HSPG2: variants seen among roughly 807,000 people sequenced by gnomAD.
The protein encoded by HSPG2 is heparan sulfate proteoglycan 2, also known as basement membrane-specific heparan sulfate proteoglycan core protein.
In HSPG2, 278 loss-of-function variants were observed where a neutral mutation model predicts 526.6. That is an observed-to-expected ratio of 0.53 (90% confidence interval 0.48 to 0.58). HSPG2 has a LOEUF of 0.58. HSPG2 is among the 20% of genes least tolerant of loss of function. The pLI is 0.00. For synonymous variants in HSPG2, 2,465 were observed against 2,555.4 expected (o/e 0.96, Z 1.07); for missense variants, 5,354 against 6,099.5 (o/e 0.88, Z 4.07).
intron 1 of HSPG2, among the ~76,000 whole-genome samples, chr1:21,926,613 C>T (rs1294041975): frequency 6.6e-6 from 1 of 151,680 alleles, no homozygotes; most frequent in Non-Finnish European, 1.5e-5. Flanking sequence ...ATTAGCCAGG[C>T]GTGGTAGTGC....
intron 1 of HSPG2, among the ~76,000 whole-genome samples, chr1:21,914,532 T>C (rs1314796861): frequency 6.6e-6 from 1 of 152,116 alleles, no homozygotes; most frequent in Non-Finnish European, 1.5e-5. Context: ...CATAGCCAGG[T>C]GTCCAGGGAC....
At position 21,879,021 on chromosome 1, in the gene HSPG2, G is replaced by C. The variant is rs539278352; in HGVS notation, c.2444C>G (p.Pro815Arg). The C allele has an allele frequency of 6.2e-6, 10 of 1,614,188 alleles. No homozygotes were observed. Among genetic ancestry groups the C allele is most frequent in the Non-Finnish European group, 8.5e-6 (10 of 1,180,052 alleles). Residue 815 changes from proline (P) to arginine (R), a missense_variant, in exon 18 of 97, where the codon CCT (proline) becomes CGT (arginine). Transcript: ENST00000374695. ...KATATSCRPCPCPYIDASRRF... is the reference protein window; with the variant it reads ...KATATSCRPCRCPYIDASRRF... ...GCGGGAGGCATCGATGTATGGGCAA[G>C]GGCAGGGCCGGCAGGAAGTGGCCGT...
At chr1:21,873,611 G>C (rs1191414153) in intron 29 of HSPG2, among the ~76,000 whole-genome samples, 187 bp from the exon 30 acceptor site, 1 of 152,200 alleles carries the variant, frequency 6.6e-6, no homozygotes. Flanking sequence ...CACAGCCAGT[G>C]AATTGGGGCA....
chr1:21,876,583 C>T lies in HSPG2; in HGVS notation c.2755G>A (p.Asp919Asn), dbSNP rs752051085. Residue 919 changes from aspartate to asparagine, a missense_variant, in exon 22 of 97, where the codon GAT becomes AAT. Transcript: ENST00000374695. ...ATGCAGAAGCACTTGAGGCAGCCAT[C>T]GGGGTTTCGGGTACTCAGGTGGAAA... ...GSFHLSTRNPDGCLKCFCMGV... is the reference protein window; with the variant it reads ...GSFHLSTRNPNGCLKCFCMGV... 12 of 1,614,188 alleles carry T rather than the reference C, an allele frequency of 7.4e-6. No individual in the cohort carries two copies. Among genetic ancestry groups the T allele is most frequent in the Non-Finnish European group, 9.3e-6 (11 of 1,180,020 alleles).
intron 85 of HSPG2, chr1:21,830,499 C>T (rs2097998033): frequency 3.5e-6 from 1 of 288,104 alleles, no homozygotes; most frequent in Non-Finnish European, 6.7e-6. Context: ...CCAGCCATGG[C>T]CAACGTAGTG....
chr1:21,928,616 T>C (rs1644267619), intron 1 of HSPG2, among the ~76,000 whole-genome samples: 1 of 152,192 alleles, frequency 6.6e-6, no homozygotes, highest in Non-Finnish European at 1.5e-5. Context: ...AACTTTTTTG[T>C]ATTTTTAGTA....
chr1:21,844,124 T>C (rs777967092), intron 65 of HSPG2, 24 bp downstream of exon 65: 2 of 1,611,654 alleles, frequency 1.2e-6, no homozygotes, highest in African/African-American at 1.3e-5. Flanking sequence ...GGAGGATGCA[T>C]GCATCCTTCT....
chr1:21,870,911 A>T, intron 33 of HSPG2: 1 of 984,324 alleles, frequency 1.0e-6, no homozygotes, highest in Non-Finnish European at 1.2e-6. Flanking sequence ...GGAGACAGAG[A>T]TAGGTCTGAG....
intron 1 of HSPG2, among the ~76,000 whole-genome samples, chr1:21,936,671 G>A (rs1027709217): frequency 1.9e-4 from 29 of 152,336 alleles, no homozygotes; most frequent in African/African-American, 6.7e-4. Context: ...AGTTTTGCTT[G>A]TGCCTACCTG....
In HSPG2 at chr1:21,896,299, C is replaced by T; in HGVS notation, c.75G>A (p.Gly25=). Reference sequence around the variant, plus strand: ...GAGACAAGCCATCGTATGCCCTCAGCCCATGGGTCACCTGTAAGCAAACGA... The same window carrying T: ...GAGACAAGCCATCGTATGCCCTCAGTCCATGGGTCACCTGTAAGCAAACGA... ...LHGRLLAVTH[G]LRAYDGLSLP... Residue 25 remains glycine, a synonymous_variant, in exon 2 of 97, where the codon GGG becomes GGA. Transcript: ENST00000374695. 6.2e-7 allele frequency: 1 copy of T among 1,613,524 alleles called. No individual in the cohort carries two copies. Among genetic ancestry groups the T allele is most frequent in the Non-Finnish European group, 8.5e-7 (1 of 1,180,028 alleles).
In HSPG2 at chr1:21,890,147, GA is replaced by G; in HGVS notation, c.414-7del. 6.2e-7 allele frequency: 1 copy of G among 1,614,022 alleles called. No homozygotes were observed. The stretch of plus-strand genomic sequence containing the variant: ...AAACCCAGCCATCCAGCTCCCTGGG[GA>G]TGGAGACAGGCAGGAGAGGAGGGTC... On this transcript the variant is annotated splice_region_variant and splice_polypyrimidine_tract_variant and intron_variant, in intron 5 of 96. Transcript: ENST00000374695. The surrounding 1 kb of genome is among the most constrained non-coding windows in gnomAD (Gnocchi z 4.1).
rs370399242 is a variant in HSPG2, at chr1:21,887,297, G to A, written c.996C>T (p.Cys332=). The A allele has an allele frequency of 6.2e-5, 100 of 1,614,076 alleles. No homozygotes were observed. Among genetic ancestry groups the A allele is most frequent in the African/African-American group, 6.1e-4 (46 of 75,044 alleles). Residue 332 remains cysteine (C), a synonymous_variant, in exon 9 of 97, where the codon TGC becomes TGT. Coordinates refer to ENST00000374695, the MANE Select transcript of HSPG2 (RefSeq NM_005529.7). This position sits in a 1 kb window ranked among gnomAD's most constrained non-coding sequence, Gnocchi z 5.0. ...PPPCEPNEFP[C]GNGHCALKLW... ...GCTTGAGGGCACAATGTCCATTCCC[G>A]CAGGGGAACTCGTTGGGCTCACAGG...
intron 1 of HSPG2, among the ~76,000 whole-genome samples, chr1:21,918,952 CT>C (rs1643953554): frequency 6.6e-6 from 1 of 152,228 alleles, no homozygotes; most frequent in African/African-American, 2.4e-5. Context: ...GCTCCTCCCC[CT>C]CTCCTCTGAT....
chr1:21,900,179 A>G (rs1643015995), intron 1 of HSPG2, among the ~76,000 whole-genome samples: 3 of 152,202 alleles, frequency 2.0e-5, no homozygotes, highest in African/African-American at 7.2e-5. Flanking sequence ...GGAGGGGTCT[A>G]GGGGTCAGAC....
At chr1:21,852,498 C>G (rs35337242) in intron 52 of HSPG2, among the ~76,000 whole-genome samples, 1 of 152,166 alleles carries the variant, frequency 6.6e-6, no homozygotes. Context: ...TGGGAGGGGA[C>G]GCCTGAGGAG....
intron 10 of HSPG2, 27 bp downstream of exon 10, chr1:21,885,293 G>A (rs533942917): frequency 1.1e-5 from 18 of 1,613,554 alleles, no homozygotes; most frequent in Middle Eastern, 1.7e-4. Flanking sequence ...CCCAGGGCCC[G>A]CATCTCGACC....
chr1:21,887,692 T>C lies in HSPG2; in HGVS notation c.704-18A>G, dbSNP rs765867268. 1 of 1,613,870 alleles carries C rather than the reference T, an allele frequency of 6.2e-7. No individual in the cohort carries two copies. Among genetic ancestry groups the C allele is most frequent in the South Asian group, 1.1e-5 (1 of 91,080 alleles). ...TGGCTCCTCTGTGGATAGATTCCGC[T>C]TGGCATTTGGCAGAAGCAGATGGCT... is the stretch of plus-strand genomic sequence containing the variant. On this transcript the variant is annotated intron_variant, in intron 7 of 96. Transcript: ENST00000374695. The surrounding 1 kb of genome is among the most constrained non-coding windows in gnomAD (Gnocchi z 5.0).
In HSPG2 at chr1:21,923,838, C is replaced by T. The variant is rs1449853946; in HGVS notation, c.63+13317G>A. 3.3e-5 allele frequency among the ~76,000 whole-genome samples: 5 copies of T among 152,158 alleles called. 1 individual carries two copies. Among genetic ancestry groups the T allele is most frequent in the South Asian group, 4.1e-4 (2 of 4,828 alleles). ...AAGGCCTCGCATACCGCTGTCACTC[C>T]GAGAATGTTTGCCGAATGAATGAAC... On this transcript the variant is annotated intron_variant, in intron 1 of 96. Transcript: ENST00000374695.
chr1:21,852,380 G>T, intron 52 of HSPG2, 147 bp from the exon 53 acceptor site: 1 of 1,027,682 alleles, frequency 9.7e-7, no homozygotes, highest in Non-Finnish European at 1.5e-6. Flanking sequence ...GATGCCCTCA[G>T]CTCAGCAACC....
Sources: gnomAD v4.1 joint callset for allele counts (sites outside exome capture counted in the v4.1 genomes callset) on GRCh38, gnomAD v4.1.1 for gene constraint, Gnocchi (gnomAD v3.1) non-coding constraint, MANE v1.5 for transcripts, NCBI Gene and HGNC (gene_info 2026-07-23, HGNC 2026-07-21) for gene names.